PCDHA1: variants seen among roughly 807,000 people sequenced by gnomAD.
The protein encoded by PCDHA1 is protocadherin alpha-1.
Under a neutral mutation model 61.3 loss-of-function variants are expected in PCDHA1, and 42 were observed. That is an observed-to-expected ratio of 0.69 (90% CI 0.54 to 0.89). The LOEUF is 0.89. PCDHA1 is among the 40% of genes least tolerant of loss of function. PCDHA1 has a pLI of 0.00. For missense variants in PCDHA1, 1,256 were observed against 1,235.3 expected, an observed-to-expected ratio of 1.02 and a Z score of -0.25; for synonymous variants, 610 against 553.8, an observed-to-expected ratio of 1.10 and a Z score of -1.43.
intron 1 of PCDHA1, chr5:140,875,720 T>C (rs1554167893): frequency 1.9e-6 from 3 of 1,614,092 alleles, no homozygotes; most frequent in Non-Finnish European, 1.7e-6. Context: ...CAGAATGGCA[T>C]TTTGTTTGTG....
At chr5:140,952,847 T>C (rs1199940738) in intron 1 of PCDHA1, among the ~76,000 whole-genome samples, 1 of 152,160 alleles carries the variant, frequency 6.6e-6, no homozygotes, top group Middle Eastern at 3.2e-3. Flanking sequence ...TCTGCTTGTC[T>C]TCTGGGGAGG....
intron 1 of PCDHA1, chr5:140,823,032 C>T: frequency 1.2e-6 from 2 of 1,614,230 alleles, no homozygotes; most frequent in Non-Finnish European, 1.7e-6. Flanking sequence ...GCGTGTCGGT[C>T]TATGAGCTGG....
At chr5:140,863,799 G>C (rs1246230954) in intron 1 of PCDHA1, 1 of 212,342 alleles carries the variant, frequency 4.7e-6, no homozygotes, top group Non-Finnish European at 9.6e-6. Context: ...AGGAGTTTGA[G>C]ACCAGCCTGG....
chr5:140,908,757 C>G (rs550540742), intron 1 of PCDHA1, among the ~76,000 whole-genome samples: 1 of 152,248 alleles, frequency 6.6e-6, no homozygotes, highest in Non-Finnish European at 1.5e-5. Context: ...TGCACACAGC[C>G]TGGACGTGTT....
intron 1 of PCDHA1, chr5:140,809,530 C>G: frequency 6.2e-7 from 1 of 1,613,906 alleles, no homozygotes; most frequent in Non-Finnish European, 8.5e-7. Context: ...ACTCTAGGGA[C>G]AGAGAAGATC....
intron 1 of PCDHA1, chr5:140,836,150 T>C (rs1373246129): frequency 4.3e-6 from 7 of 1,613,640 alleles, no homozygotes; most frequent in Admixed American, 1.7e-5. Context: ...GCGCGGGCCA[T>C]GTGGTGGCGA....
intron 1 of PCDHA1, chr5:140,850,108 G>T: frequency 6.3e-7 from 1 of 1,596,108 alleles, no homozygotes; most frequent in Non-Finnish European, 8.6e-7. Context: ...GTGAGCGCGC[G>T]CGACGCGGGC....
chr5:140,870,551 C>G (rs1554164401), intron 1 of PCDHA1: 11 of 1,614,022 alleles, frequency 6.8e-6, no homozygotes, highest in African/African-American at 1.3e-5. Flanking sequence ...GACGCGGACG[C>G]GCAGGAGAAC....
At chr5:140,993,337 G>A (rs2097550534) in intron 3 of PCDHA1, among the ~76,000 whole-genome samples, 1 of 151,924 alleles carries the variant, frequency 6.6e-6, no homozygotes, top group African/African-American at 2.4e-5. Context: ...GTGATTTGAA[G>A]GGCACTACGA....
intron 1 of PCDHA1, among the ~76,000 whole-genome samples, chr5:140,955,464 T>C (rs563782102): frequency 2.0e-5 from 3 of 152,218 alleles, no homozygotes; most frequent in South Asian, 2.1e-4. Context: ...TTTTTCCTTT[T>C]TGCTTGGCAC....
chr5:140,913,518 A>G (rs1375122197), intron 1 of PCDHA1, among the ~76,000 whole-genome samples: 2 of 151,902 alleles, frequency 1.3e-5, no homozygotes, highest in Non-Finnish European at 2.9e-5. Context: ...AATTTTATTT[A>G]TCTTTTCAAA....
chr5:140,967,828 C>T (rs2096188201), intron 1 of PCDHA1: 2 of 1,614,028 alleles, frequency 1.2e-6, no homozygotes, highest in Non-Finnish European at 1.7e-6. Flanking sequence ...TGCTGGTGGA[C>T]ATCGTGGACG....
At chr5:140,873,752 C>T (rs2054472285) in intron 1 of PCDHA1, among the ~76,000 whole-genome samples, 1 of 152,154 alleles carries the variant, frequency 6.6e-6, no homozygotes, top group Non-Finnish European at 1.5e-5. Flanking sequence ...TCTCCACCTC[C>T]CATGTTCAAG....
At chr5:140,938,719 T>A (rs1484492024) in intron 1 of PCDHA1, among the ~76,000 whole-genome samples, 2 of 152,098 alleles carry the variant, frequency 1.3e-5, no homozygotes, top group African/African-American at 4.8e-5. Context: ...TAGAAACGCG[T>A]TTCTACAGAA....
rs2150343168 is a variant in PCDHA1, at chr5:140,842,728, G to C, written c.2394+54044G>C. 3.1e-6 allele frequency: 5 copies of C among 1,594,936 alleles called. No individual in the cohort carries two copies. In the Admixed American group the frequency reaches 6.7e-5, roughly 22 times the overall value. On this transcript the variant is annotated intron_variant, in intron 1 of 3. Coordinates refer to ENST00000504120, the MANE Select transcript of PCDHA1 (RefSeq NM_018900.4). ...CGGTGTTCGTGAAGGAGAACAACCC[G>C]CCGGGCTGCCACATCTTCACGGTGT...
chr5:140,833,355 A>T (rs1008230384), intron 1 of PCDHA1, among the ~76,000 whole-genome samples: 7 of 152,200 alleles, frequency 4.6e-5, no homozygotes, highest in Non-Finnish European at 1.5e-5. Flanking sequence ...CAGAAAACGA[A>T]CACAGTAAGG....
At position 140,856,588 on chromosome 5, in the gene PCDHA1, T is replaced by C. The variant is rs201362862; in HGVS notation, c.2394+67904T>C. The C allele has an allele frequency of 5.2e-5, 83 of 1,597,798 alleles. 1 individual carries two copies. In the East Asian group the frequency reaches 1.3e-3, roughly 25 times the overall value. ...GTCCAAATGAGTATTTTGTTCTTGA[T>C]ATTATAAACAAAAAAGACAAAGACA... On this transcript the variant is annotated intron_variant, in intron 1 of 3. Coordinates refer to ENST00000504120, the MANE Select transcript of PCDHA1 (RefSeq NM_018900.4).
intron 1 of PCDHA1, among the ~76,000 whole-genome samples, chr5:140,896,143 T>C (rs932166066): frequency 2.6e-5 from 4 of 152,198 alleles, no homozygotes; most frequent in Non-Finnish European, 5.9e-5. Context: ...CAGTGCACCA[T>C]TGATGGGCAT....
chr5:140,832,938 T>C (rs1176338223), intron 1 of PCDHA1, among the ~76,000 whole-genome samples: 1 of 152,010 alleles, frequency 6.6e-6, no homozygotes, highest in Non-Finnish European at 1.5e-5. Context: ...GAGAAGAGAG[T>C]AACTTAAGTG....
Sources: allele counts gnomAD v4.1 joint callset (sites outside exome capture counted in the v4.1 genomes callset), GRCh38; gene constraint gnomAD v4.1.1; transcripts MANE v1.5; gene names NCBI Gene and HGNC (gene_info 2026-07-23, HGNC 2026-07-21).